CNBD1: variants seen among roughly 807,000 people sequenced by gnomAD.
CNBD1 encodes cyclic nucleotide-binding domain-containing protein 1.
CNBD1 carries 71 observed loss-of-function variants against 54.4 expected under a neutral mutation model. The observed-to-expected ratio is 1.30, with a 90% CI of 1.08 to 1.59. CNBD1 has a LOEUF of 1.59. Among genes scored for constraint, CNBD1 ranks in the 40% most tolerant of loss-of-function variants. The pLI is 0.00. For synonymous variants in CNBD1, 182 were observed against 170.7 expected (o/e 1.07, Z -0.51); for missense variants, 659 against 518.0 (o/e 1.27, Z -2.64).
At chr8:86,966,678 A>T (rs947679321) in intron 4 of CNBD1, among the ~76,000 whole-genome samples, 1 of 152,026 alleles carries the variant, frequency 6.6e-6, no homozygotes, top group African/African-American at 2.4e-5. Context: ...TGGAGTTGTT[A>T]GTTCCTCCGG....
chr8:87,229,815 C>T (rs959049279), intron 5 of CNBD1, among the ~76,000 whole-genome samples: 4 of 151,990 alleles, frequency 2.6e-5, no homozygotes, highest in Non-Finnish European at 4.4e-5. Flanking sequence ...CAAATTTCTT[C>T]TCAAATAATT....
intron 4 of CNBD1, among the ~76,000 whole-genome samples, chr8:86,967,207 G>A (rs993294236): frequency 8.5e-5 from 13 of 152,172 alleles, no homozygotes; most frequent in Non-Finnish European, 1.8e-4. Context: ...GCTTCCAAGG[G>A]TATAAGCTGC....
At chr8:87,341,693 T>A (rs1274372259) in intron 8 of CNBD1, among the ~76,000 whole-genome samples, 1 of 152,234 alleles carries the variant, frequency 6.6e-6, no homozygotes, top group Non-Finnish European at 1.5e-5. Context: ...CCTTTTGCTC[T>A]GATCTCTTGT....
intron 4 of CNBD1, among the ~76,000 whole-genome samples, chr8:86,968,717 T>C (rs61468414): frequency 0.02 from 3,036 of 152,318 alleles, 97 homozygotes; most frequent in African/African-American, 0.067. Context: ...TCACTTAATA[T>C]ACAGTTTTCC....
chr8:87,367,858 G>C (rs1448178720), intron 10 of CNBD1, among the ~76,000 whole-genome samples: 1 of 152,056 alleles, frequency 6.6e-6, no homozygotes, highest in Non-Finnish European at 1.5e-5. Flanking sequence ...ACCATAGATT[G>C]TCTCAGCAAA....
chr8:87,136,208 G>A (rs1484212209), intron 4 of CNBD1, among the ~76,000 whole-genome samples: 1 of 151,792 alleles, frequency 6.6e-6, no homozygotes, highest in Non-Finnish European at 1.5e-5. Context: ...TGAGCTATTG[G>A]TTCTCTGCTT....
intron 4 of CNBD1, among the ~76,000 whole-genome samples, chr8:87,135,627 A>G (rs889215719): frequency 1.4e-5 from 2 of 148,092 alleles, no homozygotes; most frequent in Non-Finnish European, 1.5e-5. Context: ...TATCTATGCA[A>G]TATATATTAC....
At chr8:87,318,770 T>A (rs1809455092) in intron 8 of CNBD1, among the ~76,000 whole-genome samples, 1 of 152,202 alleles carries the variant, frequency 6.6e-6, no homozygotes, top group African/African-American at 2.4e-5. Flanking sequence ...AAATATATAT[T>A]GTATCAGGCT....
At chr8:86,984,382 A>T (rs1447857009) in intron 4 of CNBD1, among the ~76,000 whole-genome samples, 1 of 152,148 alleles carries the variant, frequency 6.6e-6, no homozygotes, top group African/African-American at 2.4e-5. Context: ...TGGAGCCCCA[A>T]CACAGAGTCC....
intron 10 of CNBD1, among the ~76,000 whole-genome samples, chr8:87,359,726 A>C (rs1586044837): frequency 6.6e-6 from 1 of 152,102 alleles, no homozygotes; most frequent in Non-Finnish European, 1.5e-5. Context: ...TCTTAAATAT[A>C]TCAAGTTGAA....
At position 87,362,073 on chromosome 8, in the gene CNBD1, A is replaced by G. The variant is rs77742434; in HGVS notation, c.1303+8287A>G. Among the ~76,000 whole-genome samples, 591 of 152,178 alleles carry G rather than the reference A, an allele frequency of 3.9e-3. 8 individuals are homozygous for G. Among genetic ancestry groups the G allele is most frequent in the African/African-American group, 0.013 (557 of 41,542 alleles). On this transcript the variant is annotated intron_variant, in intron 10 of 10. Transcript: ENST00000518476. ...CCAATGACAAACCATGAAAACAATT[A>G]CCATGCTTACTTAAAATCTACTTCA... is the stretch of plus-strand genomic sequence containing the variant.
At chr8:86,970,647 A>C (rs1808198536) in intron 4 of CNBD1, among the ~76,000 whole-genome samples, 1 of 151,734 alleles carries the variant, frequency 6.6e-6, no homozygotes, top group Admixed American at 6.6e-5. Context: ...CATTGTTGCC[A>C]TCTTTAAGTT....
chr8:87,345,334 A>G (rs1444797167), intron 8 of CNBD1, among the ~76,000 whole-genome samples: 2 of 152,172 alleles, frequency 1.3e-5, no homozygotes, highest in African/African-American at 4.8e-5. Flanking sequence ...ATGTTATTTG[A>G]AACATTTCCC....
chr8:87,221,904 G>A lies in CNBD1; in HGVS notation c.578-15015G>A, dbSNP rs1814347039. ...TACAAGTTATTGCATTATTCTAAGC[G>A]AGGTTATTAGACTTGTGTCTTAAAA... On this transcript the variant is annotated intron_variant, in intron 5 of 10. Transcript: ENST00000518476. Among the ~76,000 whole-genome samples, 3 of 152,018 alleles carry A rather than the reference G, an allele frequency of 2.0e-5. No individual in the cohort carries two copies. The South Asian group carries it at 6.2e-4, about 32-fold the overall frequency.
intron 5 of CNBD1, among the ~76,000 whole-genome samples, chr8:87,222,357 T>C (rs1484279668): frequency 1.3e-5 from 2 of 152,168 alleles, no homozygotes; most frequent in Non-Finnish European, 2.9e-5. Context: ...TGATATGAGC[T>C]GGAGATACAG....
Position 87,272,574 on chromosome 8 carries a change from A to T in CNBD1, c.772-12104A>T, listed in dbSNP as rs183487410. ...AAGACAGGAGCAATGTTTCTAGTTT[A>T]TGACAAGAAAAAGTCTGTGATATTA... On this transcript the variant is annotated intron_variant, in intron 6 of 10. Coordinates refer to ENST00000518476, the MANE Select transcript of CNBD1 (RefSeq NM_173538.3). 2.4e-4 allele frequency among the ~76,000 whole-genome samples: 36 copies of T among 152,060 alleles called. 1 individual carries two copies. In the East Asian group the frequency reaches 6.0e-3, roughly 25 times the overall value.
intron 4 of CNBD1, among the ~76,000 whole-genome samples, chr8:87,181,351 T>C (rs1321959821): frequency 6.6e-6 from 1 of 152,182 alleles, no homozygotes; most frequent in Non-Finnish European, 1.5e-5. Flanking sequence ...AAATAACAGC[T>C]CCATCTCCTC....
At chr8:87,360,508 A>AAGTCAATATAT (rs1810504413) in intron 10 of CNBD1, among the ~76,000 whole-genome samples, 1 of 151,854 alleles carries the variant, frequency 6.6e-6, no homozygotes. Flanking sequence ...TATTTTTATA[A>AAGTCAATATAT]AGTCAATATA....
At chr8:87,133,198 T>C (rs1408516848) in intron 4 of CNBD1, among the ~76,000 whole-genome samples, 1 of 152,174 alleles carries the variant, frequency 6.6e-6, no homozygotes, top group Non-Finnish European at 1.5e-5. Flanking sequence ...TACTTGCTAC[T>C]TTAAAAATTC....
Sources: allele counts gnomAD v4.1 joint callset (sites outside exome capture counted in the v4.1 genomes callset), GRCh38; gene constraint gnomAD v4.1.1; transcripts MANE v1.5; gene names NCBI Gene and HGNC (gene_info 2026-07-23, HGNC 2026-07-21).